DLGAP2: variants seen among roughly 807,000 people sequenced by gnomAD.
The protein encoded by DLGAP2 is DLG associated protein 2.
DLGAP2 carries 26 observed loss-of-function variants against 100.3 expected under a neutral mutation model. The observed-to-expected ratio is 0.26, with a 90% CI of 0.19 to 0.36. DLGAP2 has a LOEUF of 0.36. DLGAP2 is among the 10% of genes least tolerant of loss of function. The probability of loss-of-function intolerance (pLI) is 1.00; values close to 1 mark genes in which losing one functional copy is unlikely to be tolerated. For synonymous variants in DLGAP2, 886 were observed against 630.1 expected (o/e 1.41, Z -6.08); for missense variants, 1,858 against 1,453.2 (o/e 1.28, Z -4.53).
intron 2 of DLGAP2, among the ~76,000 whole-genome samples, chr8:958,582 CAAA>C (rs1207044026): frequency 3.5e-4 from 30 of 85,740 alleles, no homozygotes; most frequent in African/African-American, 7.5e-4. Context: ...ACTAGACCTC[CAAA>C]AAAAAAAAAA....
At chr8:798,908 G>T (rs1023762526) in intron 1 of DLGAP2, among the ~76,000 whole-genome samples, 1 of 152,264 alleles carries the variant, frequency 6.6e-6, no homozygotes, top group Admixed American at 6.5e-5. Flanking sequence ...GCCTGCTTCC[G>T]TTGGCACTGA....
chr8:1,258,939 G>A (rs931616610), intron 3 of DLGAP2, 56 bp downstream of exon 3: 51 of 1,219,328 alleles, frequency 4.2e-5, no homozygotes, highest in Non-Finnish European at 4.8e-5. Context: ...TCACAGGTGT[G>A]TGGCTGGCAA....
At chr8:1,409,876 T>C (rs1259479160) in intron 3 of DLGAP2, among the ~76,000 whole-genome samples, 7 of 152,214 alleles carry the variant, frequency 4.6e-5, no homozygotes. Flanking sequence ...GCCTTCGGGC[T>C]TAGACTGAAT....
rs190798256 is a variant in DLGAP2 at position 982,201 on chromosome 8, C to T, written c.73+74235C>T. On this transcript the variant is annotated intron_variant, in intron 2 of 14. Transcript: ENST00000637795. Reference sequence around the variant, plus strand: ...CTCAGTTTCTGCATTTCTTCATCTACGGAGCAGAGATAATAACAGTACCTA... The same window carrying T: ...CTCAGTTTCTGCATTTCTTCATCTATGGAGCAGAGATAATAACAGTACCTA... Among the ~76,000 whole-genome samples the T allele has an allele frequency of 5.3e-5, 8 of 152,318 alleles. No individual in the cohort carries two copies. The East Asian group carries it at 5.8e-4, about 11-fold the overall frequency.
chr8:796,976 TG>T (rs1468227193), intron 1 of DLGAP2, among the ~76,000 whole-genome samples: 21 of 152,358 alleles, frequency 1.4e-4, no homozygotes, highest in African/African-American at 5.1e-4. Context: ...TTCCCCAACT[TG>T]CAAACTTTTA....
chr8:1,044,227 G>C (rs1802454320), intron 2 of DLGAP2, among the ~76,000 whole-genome samples: 1 of 152,182 alleles, frequency 6.6e-6, no homozygotes, highest in Admixed American at 6.5e-5. Context: ...CCAAAATACG[G>C]CAAGTTGTCA....
chr8:1,186,489 A>C (rs1797507848), intron 2 of DLGAP2, among the ~76,000 whole-genome samples: 1 of 152,136 alleles, frequency 6.6e-6, no homozygotes, highest in South Asian at 2.1e-4. Context: ...ACCCATCAAC[A>C]AGGCTGTCAG....
chr8:1,056,415 C>G (rs1257160839), intron 2 of DLGAP2, among the ~76,000 whole-genome samples: 1 of 152,168 alleles, frequency 6.6e-6, no homozygotes, highest in Non-Finnish European at 1.5e-5. Context: ...TCTCTTTTTC[C>G]TAGTTTGCTT....
At chr8:1,473,444 A>G (rs1274077995) in intron 3 of DLGAP2, among the ~76,000 whole-genome samples, 5 of 152,214 alleles carry the variant, frequency 3.3e-5, no homozygotes, top group Non-Finnish European at 7.3e-5. Flanking sequence ...TCCACGTTGT[A>G]AAACAACCAG....
chr8:1,111,193 AAAACATGGAGAG>A (rs1355068339), intron 2 of DLGAP2, among the ~76,000 whole-genome samples: 3 of 152,178 alleles, frequency 2.0e-5, no homozygotes, highest in African/African-American at 4.8e-5. Flanking sequence ...AAATACAAAG[AAAACATGGAGAG>A]AGGTGGCTTA....
chr8:1,478,185 C>T (rs955005053), intron 3 of DLGAP2, among the ~76,000 whole-genome samples: 1 of 152,178 alleles, frequency 6.6e-6, no homozygotes, highest in Non-Finnish European at 1.5e-5. Flanking sequence ...TCATCTTACC[C>T]ATGAGCCTGT....
chr8:1,595,624 G>A (rs1043835062), intron 6 of DLGAP2, among the ~76,000 whole-genome samples: 4 of 138,786 alleles, frequency 2.9e-5, no homozygotes, highest in African/African-American at 1.0e-4. Context: ...CCGAGATTGC[G>A]CCACTGCAGT....
chr8:1,457,646 C>T (rs1391197289), intron 3 of DLGAP2, among the ~76,000 whole-genome samples: 1 of 152,108 alleles, frequency 6.6e-6, no homozygotes, highest in African/African-American at 2.4e-5. Flanking sequence ...TTCTTACAGG[C>T]AATTTTTCCT....
intron 8 of DLGAP2, among the ~76,000 whole-genome samples, chr8:1,645,058 G>A (rs1017150792): frequency 2.6e-5 from 4 of 152,214 alleles, no homozygotes; most frequent in Admixed American, 6.5e-5. Flanking sequence ...TGGCACCACA[G>A]CACTCTAGCC....
intron 3 of DLGAP2, among the ~76,000 whole-genome samples, chr8:1,351,033 CCTGA>C (rs1398407379): frequency 1.2e-5 from 1 of 85,052 alleles, no homozygotes; most frequent in Non-Finnish European, 2.2e-5. Context: ...CCGTGCGGGT[CCTGA>C]CTGTGTGTGG....
intron 2 of DLGAP2, among the ~76,000 whole-genome samples, chr8:941,903 G>A (rs1477065173): frequency 3.3e-5 from 5 of 151,984 alleles, no homozygotes; most frequent in African/African-American, 9.7e-5. Flanking sequence ...AGCATTTACA[G>A]GGCTGACATT....
intron 2 of DLGAP2, among the ~76,000 whole-genome samples, chr8:1,041,521 T>TGAGCCCCTTGCCGTGGGTGAGTGTTCTCC (rs1802346448): frequency 1.3e-5 from 2 of 151,294 alleles, no homozygotes; most frequent in East Asian, 2.0e-4. Context: ...AAGTGTTCTC[T>TGAGCCCCTTGCCGTGGGTGAGTGTTCTCC]GAGCCCCTTG....
At chr8:1,685,406 G>T (rs2130867131) in intron 12 of DLGAP2, among the ~76,000 whole-genome samples, 1 of 152,300 alleles carries the variant, frequency 6.6e-6, no homozygotes, top group East Asian at 1.9e-4. Flanking sequence ...CAGCCTTAGG[G>T]GTCAATGTAT....
intron 1 of DLGAP2, among the ~76,000 whole-genome samples, chr8:884,981 A>G (rs1797893450): frequency 6.6e-6 from 1 of 152,026 alleles, no homozygotes; most frequent in African/African-American, 2.4e-5. Context: ...GTTCTGCTCC[A>G]TTGGTCTATA....
Sources: gnomAD v4.1 joint callset for allele counts (sites outside exome capture counted in the v4.1 genomes callset) on GRCh38, gnomAD v4.1.1 for gene constraint, MANE v1.5 for transcripts, NCBI Gene and HGNC (gene_info 2026-07-23, HGNC 2026-07-21) for gene names.